NFIA: variants seen among roughly 807,000 people sequenced by gnomAD.
NFIA encodes the protein nuclear factor I A, also known as nuclear factor 1 A-type.
NFIA carries 8 observed loss-of-function variants against 62.8 expected under a neutral mutation model. That is an observed-to-expected ratio of 0.13 (90% confidence interval 0.07 to 0.23). The LOEUF is 0.23. Among genes scored for constraint, NFIA ranks in the 10% least tolerant of loss-of-function variants. The probability of loss-of-function intolerance (pLI) is 1.00; values close to 1 mark genes in which losing one functional copy is unlikely to be tolerated. For missense variants in NFIA, 410 were observed against 642.1 expected (o/e 0.64, Z 3.91); for synonymous variants, 235 against 238.1 (o/e 0.99, Z 0.12).
chr1:61,283,593 A>AAAAAAAAAAT (rs1557681352), intron 3 of NFIA, among the ~76,000 whole-genome samples: 2 of 136,554 alleles, frequency 1.5e-5, no homozygotes, highest in African/African-American at 5.6e-5. Context: ...AAAAAAAAAA[A>AAAAAAAAAAT]AAAAAAAAAA....
At chr1:61,156,237 T>C (rs1648811878) in intron 2 of NFIA, among the ~76,000 whole-genome samples, 1 of 152,232 alleles carries the variant, frequency 6.6e-6, no homozygotes, top group African/African-American at 2.4e-5. Context: ...ATTTTCCAGA[T>C]AAGGAAAGTG....
At chr1:61,219,663 G>A (rs1431747247) in intron 2 of NFIA, among the ~76,000 whole-genome samples, 7 of 147,340 alleles carry the variant, frequency 4.8e-5, no homozygotes, top group South Asian at 2.1e-4. Context: ...GCAGTGAGCC[G>A]AGATCGCGCC....
intron 3 of NFIA, among the ~76,000 whole-genome samples, chr1:61,292,626 G>A (rs892460591): frequency 6.6e-6 from 1 of 152,136 alleles, no homozygotes; most frequent in Non-Finnish European, 1.5e-5. Context: ...GGCATATGGT[G>A]GAGGCACAAG....
intron 2 of NFIA, among the ~76,000 whole-genome samples, chr1:61,236,498 C>G (rs1655023492): frequency 6.6e-6 from 1 of 152,118 alleles, no homozygotes; most frequent in Non-Finnish European, 1.5e-5. Flanking sequence ...ATGACCCTTA[C>G]CTACAAAAAT....
chr1:61,455,199 G>A (rs912395620), intron 10 of NFIA, 104 bp from the exon 11 acceptor site: 27 of 1,150,886 alleles, frequency 2.3e-5, no homozygotes, highest in East Asian at 2.5e-5. Flanking sequence ...AATCCCTCCC[G>A]CATCCCTAAC....
At chr1:61,178,186 C>G (rs1650524907) in intron 2 of NFIA, among the ~76,000 whole-genome samples, 1 of 152,104 alleles carries the variant, frequency 6.6e-6, no homozygotes, top group Non-Finnish European at 1.5e-5. Context: ...GAGTATTACC[C>G]ATAACTTTTA....
chr1:61,432,759 C>G (rs1262681471), intron 10 of NFIA, among the ~76,000 whole-genome samples: 3 of 152,048 alleles, frequency 2.0e-5, no homozygotes, highest in African/African-American at 7.2e-5. Flanking sequence ...CAAGCCCTCA[C>G]AGCTGCAAAC....
chr1:61,404,152 T>A lies in NFIA; in HGVS notation c.1124T>A (p.Ile375Asn). The change falls in exon 8 of 11, where the codon ATT (isoleucine) becomes AAT (asparagine). Residue 375 changes from isoleucine (I) to asparagine (N), a missense_variant. Ile to Asn is a moderately radical substitution (Grantham distance 149). Coordinates refer to ENST00000403491, the MANE Select transcript of NFIA (RefSeq NM_001134673.4). ...ACTCTTCATTTCCCGACATCACCCA[T>A]TATCCAGCAGCCTGGGCCTTACTTC... The part of the protein sequence containing the change: ...PSTLHFPTSP[I>N]IQQPGPYFSH... The A allele has an allele frequency of 6.2e-7, 1 of 1,614,166 alleles. No homozygotes were observed. Among genetic ancestry groups the A allele is most frequent in the Non-Finnish European group, 8.5e-7 (1 of 1,180,016 alleles).
chr1:61,133,956 C>T lies in NFIA; in HGVS notation c.559+45276C>T, dbSNP rs952769097. 6.6e-5 allele frequency among the ~76,000 whole-genome samples: 10 copies of T among 152,028 alleles called. 1 individual carries two copies. Among genetic ancestry groups the T allele is most frequent in the African/African-American group, 2.2e-4 (9 of 41,388 alleles). ...TGGCCAACATGGTGAAACCCCATCT[C>T]TCTAACTAAAAATACAAAAATTAGC... On this transcript the variant is annotated intron_variant, in intron 2 of 10. Transcript: ENST00000403491.
chr1:61,347,623 C>T (rs1421625301), intron 4 of NFIA, among the ~76,000 whole-genome samples: 1 of 152,180 alleles, frequency 6.6e-6, no homozygotes, highest in Non-Finnish European at 1.5e-5. Flanking sequence ...TTTCTGATCT[C>T]ACAAGCCAAT....
intron 2 of NFIA, among the ~76,000 whole-genome samples, chr1:61,230,793 A>G (rs1557650740): frequency 6.6e-6 from 1 of 152,154 alleles, no homozygotes; most frequent in Non-Finnish European, 1.5e-5. Context: ...ACAGTTTACC[A>G]AGGTGCTGTG....
At chr1:61,212,362 A>G (rs1422634963) in intron 2 of NFIA, among the ~76,000 whole-genome samples, 1 of 152,238 alleles carries the variant, frequency 6.6e-6, no homozygotes, top group East Asian at 1.9e-4. Flanking sequence ...CTATAAGGAT[A>G]TTTTAGATTT....
chr1:61,125,392 G>T (rs1435573140), intron 2 of NFIA, among the ~76,000 whole-genome samples: 1 of 152,154 alleles, frequency 6.6e-6, no homozygotes, highest in East Asian at 1.9e-4. Context: ...AGACCTTATG[G>T]TATTTCCTAA....
chr1:61,241,307 G>A (rs971987676), intron 2 of NFIA, among the ~76,000 whole-genome samples: 2 of 152,048 alleles, frequency 1.3e-5, no homozygotes, highest in African/African-American at 4.8e-5. Context: ...TTAAGAGCTT[G>A]TCTGTTAAAG....
At chr1:61,127,461 T>TAA (rs879760637) in intron 2 of NFIA, among the ~76,000 whole-genome samples, 2 of 141,864 alleles carry the variant, frequency 1.4e-5, no homozygotes, top group African/African-American at 5.2e-5. Flanking sequence ...GATTCCATAT[T>TAA]AAAAAAAAAA....
chr1:61,090,518 G>A (rs1343321649), intron 2 of NFIA, among the ~76,000 whole-genome samples: 1 of 152,112 alleles, frequency 6.6e-6, no homozygotes, highest in Non-Finnish European at 1.5e-5. Context: ...TTCTCATTAC[G>A]TGCCTTCTTT....
At chr1:61,320,384 G>A (rs1470421103) in intron 3 of NFIA, among the ~76,000 whole-genome samples, 1 of 152,070 alleles carries the variant, frequency 6.6e-6, no homozygotes, top group South Asian at 2.1e-4. Context: ...GTGAATTTTG[G>A]CATCGATAAC....
intron 2 of NFIA, among the ~76,000 whole-genome samples, chr1:61,145,374 G>C (rs1425825274): frequency 6.6e-6 from 1 of 152,122 alleles, no homozygotes; most frequent in African/African-American, 2.4e-5. Context: ...AATCTGTAGG[G>C]TCTGGTTGGT....
At chr1:61,388,981 G>A (rs1038083585) in intron 7 of NFIA, among the ~76,000 whole-genome samples, 1 of 152,014 alleles carries the variant, frequency 6.6e-6, no homozygotes, top group Admixed American at 6.6e-5. Context: ...GAGCATAGTG[G>A]TAGAGACCTG....
Sources: allele counts gnomAD v4.1 joint callset (sites outside exome capture counted in the v4.1 genomes callset), GRCh38; gene constraint gnomAD v4.1.1; transcripts MANE v1.5; gene names NCBI Gene and HGNC (gene_info 2026-07-23, HGNC 2026-07-21).